The following FRMPD2 variants were observed in gnomAD, a reference collection of about 807,000 sequenced individuals.
FRMPD2 encodes FERM and PDZ domain-containing protein 2.
Under a neutral mutation model 140.1 loss-of-function variants are expected in FRMPD2, and 96 were observed. That is an observed-to-expected ratio of 0.69 (90% CI 0.58 to 0.81). FRMPD2 has a LOEUF of 0.81. Among genes scored for constraint, FRMPD2 ranks in the 40% least tolerant of loss-of-function variants. The pLI, the probability that FRMPD2 is intolerant of heterozygous loss-of-function variation, is 0.00. For synonymous variants in FRMPD2, 449 were observed against 547.6 expected (o/e 0.82, Z 2.52); for missense variants, 1,240 against 1,447.4 (o/e 0.86, Z 2.32).
chr10:48,210,049 G>A (rs971660181), intron 13 of FRMPD2, among the ~76,000 whole-genome samples: 5 of 152,068 alleles, frequency 3.3e-5, no homozygotes, highest in Non-Finnish European at 7.4e-5. Flanking sequence ...AAAGAGAGAA[G>A]GATGAATATA....
chr10:48,221,978 T>TTGGATGGATGGATGGATGGA (rs71026203), intron 12 of FRMPD2, among the ~76,000 whole-genome samples: 7 of 136,396 alleles, frequency 5.1e-5, no homozygotes, highest in African/African-American at 1.4e-4. Flanking sequence ...GGATGGATGG[T>TTGGATGGATGGATGGATGGA]TGGATGGATG....
intron 15 of FRMPD2, 127 bp downstream of exon 15, chr10:48,201,099 TTC>T: frequency 1.7e-6 from 1 of 585,202 alleles, no homozygotes; most frequent in Non-Finnish European, 2.6e-6. Flanking sequence ...TTTATTGTAT[TTC>T]TGTCATTATT....
intron 1 of FRMPD2, among the ~76,000 whole-genome samples, chr10:48,261,396 G>C (rs1175269893): frequency 6.6e-6 from 1 of 151,876 alleles, no homozygotes; most frequent in Non-Finnish European, 1.5e-5. Flanking sequence ...GCAAAAAAAA[G>C]TGAGAGAGAG....
intron 20 of FRMPD2, among the ~76,000 whole-genome samples, chr10:48,181,894 A>ACACACACG (rs1297677475): frequency 1.6e-5 from 1 of 62,842 alleles, no homozygotes; most frequent in Non-Finnish European, 3.8e-5. Flanking sequence ...TCATACACAC[A>ACACACACG]CACACACACA....
Position 48,224,562 on chromosome 10 carries a change from C to T in FRMPD2, c.1169-1292G>A, listed in dbSNP as rs183893191. Reference sequence around the variant, plus strand: ...TTACTGCTGAATCTGATGCCCCACACGGGACTCACCCTTCCCTTAGGATGA... The same window carrying T: ...TTACTGCTGAATCTGATGCCCCACATGGGACTCACCCTTCCCTTAGGATGA... On this transcript the variant is annotated intron_variant, in intron 10 of 28. Coordinates refer to ENST00000374201, the MANE Select transcript of FRMPD2 (RefSeq NM_001018071.4). Among the ~76,000 whole-genome samples, 77 of 152,338 alleles carry T rather than the reference C, an allele frequency of 5.1e-4. 1 individual carries two copies. In the East Asian group the frequency reaches 0.012, roughly 24 times the overall value.
In FRMPD2 at chr10:48,251,621, T is replaced by A. The variant is rs767476729; in HGVS notation, c.96A>T (p.Glu32Asp). 5 of 1,614,164 alleles carry A rather than the reference T, an allele frequency of 3.1e-6. No homozygotes were observed. In the South Asian group the frequency reaches 5.5e-5, roughly 18 times the overall value. ...CGGCCAGGAACAGGAGGGACCAGAT[T>A]TCCTCCTCAGACAGAGCTTCACCCC... ...QVRGEALSEEEIWSLLFLAAE... is the reference protein window; with the variant it reads ...QVRGEALSEEDIWSLLFLAAE... The change falls in exon 2 of 29, where the codon GAA becomes GAT. Residue 32 changes from glutamate (E) to aspartate (D), a missense_variant. Transcript: ENST00000374201.
At position 48,244,798 on chromosome 10, in the gene FRMPD2, C is replaced by A; in HGVS notation, c.361G>T (p.Val121Phe). 3.7e-6 allele frequency: 6 copies of A among 1,613,428 alleles called. No individual in the cohort carries two copies. The highest frequency in any genetic ancestry group is 5.1e-6 in the Non-Finnish European group (6 of 1,179,354). Residue 121 changes from valine to phenylalanine, a missense_variant, in exon 4 of 29, where the codon GTT (valine) becomes TTT (phenylalanine). By Grantham distance (50) the Val-to-Phe change is conservative (BLOSUM62 -1). Transcript: ENST00000374201. ...TGTTTACAAACCTGATGTGGCGGAA[C>A]ATGAAACCCTGCTGACCAGTAGAGG... ...MTLYWSAGFH[V>F]PPHQPLQLCE...
chr10:48,245,147 C>T (rs1840214344), intron 3 of FRMPD2, among the ~76,000 whole-genome samples: 1 of 152,206 alleles, frequency 6.6e-6, no homozygotes, highest in Non-Finnish European at 1.5e-5. Context: ...ACTGGCCCCA[C>T]ACTTTCCCCT....
Position 48,191,369 on chromosome 10 carries a change from G to T in FRMPD2, c.2165+1315C>A, listed in dbSNP as rs74387830. Among the ~76,000 whole-genome samples the T allele has an allele frequency of 5.0e-3, 755 of 152,250 alleles. 4 individuals carry two copies. Among genetic ancestry groups the T allele is most frequent in the African/African-American group, 0.017 (707 of 41,542 alleles). ...CAGAAGAATCCCTCAACTCAGTCCT[G>T]CCTGAATTTCTAACCCAGTTCACTG... On this transcript the variant is annotated intron_variant, in intron 16 of 28. Transcript: ENST00000374201.
chr10:48,210,493 C>G (rs1410606423), intron 13 of FRMPD2, among the ~76,000 whole-genome samples: 1 of 152,166 alleles, frequency 6.6e-6, no homozygotes, highest in Non-Finnish European at 1.5e-5. Context: ...TGGGCAGAGG[C>G]CAGAAGGTAG....
intron 15 of FRMPD2, 69 bp from the exon 16 acceptor site, chr10:48,192,963 G>A (rs1280799277): frequency 1.7e-6 from 2 of 1,195,418 alleles, no homozygotes; most frequent in East Asian, 2.3e-5. Context: ...TGCTCTGGTG[G>A]TTGTAACATA....
chr10:48,256,433 G>A (rs1840491868), intron 1 of FRMPD2, among the ~76,000 whole-genome samples: 1 of 152,148 alleles, frequency 6.6e-6, no homozygotes, highest in Admixed American at 6.5e-5. Context: ...CTATATAGTG[G>A]CTTTTGAACT....
intron 1 of FRMPD2, among the ~76,000 whole-genome samples, chr10:48,253,433 AC>A (rs1292582979): frequency 6.6e-6 from 1 of 152,192 alleles, no homozygotes; most frequent in African/African-American, 2.4e-5. Flanking sequence ...CTCATCAAAA[AC>A]CATGGAGACC....
rs1181952053 is a variant in FRMPD2 at position 48,178,084 on chromosome 10, A to T, written c.2858T>A (p.Leu953Gln). The change falls in exon 22 of 29, where the codon CTG becomes CAG. Residue 953 changes from leucine (L) to glutamine (Q), a missense_variant. Physicochemically the swap from Leu to Gln is moderately radical, Grantham distance 113. Coordinates refer to ENST00000374201, the MANE Select transcript of FRMPD2 (RefSeq NM_001018071.4). ...TCCAAGTGTCCCATCTTCTTTAACC[A>T]GTTCCACAAAGTAGATTTCACCAGC... ...ISAGEIYFVE[L>Q]VKEDGTLGFS... 1.2e-6 allele frequency: 2 copies of T among 1,603,270 alleles called. No individual in the cohort carries two copies. The highest frequency in any genetic ancestry group is 8.5e-7 in the Non-Finnish European group (1 of 1,172,084).
chr10:48,230,436 T>C (rs1174733901), intron 10 of FRMPD2, among the ~76,000 whole-genome samples: 3 of 152,234 alleles, frequency 2.0e-5, no homozygotes, highest in Non-Finnish European at 2.9e-5. Flanking sequence ...TTTGGCCTCC[T>C]AGCCTTGAGA....
intron 1 of FRMPD2, among the ~76,000 whole-genome samples, chr10:48,254,803 T>C (rs185233560): frequency 4.3e-4 from 65 of 152,352 alleles, no homozygotes; most frequent in Non-Finnish European, 7.5e-4. Flanking sequence ...GGGTTTACGC[T>C]CTTGGTCTCA....
Position 48,232,232 on chromosome 10 carries a change from C to T in FRMPD2, c.1051G>A (p.Gly351Arg), listed in dbSNP as rs116143480. The change falls in exon 10 of 29, where the codon GGG becomes AGG. Residue 351 changes from glycine (G) to arginine (R), a missense_variant. Gly to Arg is a moderately radical substitution (Grantham distance 125). This residue lies in a region of FRMPD2 where 1,161 missense variants were observed against 1,055.9 expected (regional missense o/e 1.10). Transcript: ENST00000374201. ...LRDLCVVLLN[G>R]QHLEVKCDVE... The stretch of plus-strand genomic sequence containing the variant: ...TCACATTTTACCTCCAGGTGCTGCC[C>T]GTTCAGCAGGACCACACAGAGGTCC... 5.5e-3 allele frequency: 8,797 copies of T among 1,614,120 alleles called. 25 individuals are homozygous for T. The highest frequency in any genetic ancestry group is 5.6e-3 in the Non-Finnish European group (6,623 of 1,179,982).
Position 48,208,044 on chromosome 10 carries a change from GTCATCATCATCATTATCA to G in FRMPD2, c.1612-1129_1612-1112del, listed in dbSNP as rs537092921. 2.6e-3 allele frequency among the ~76,000 whole-genome samples: 401 copies of G among 151,410 alleles called. 1 individual carries two copies. The highest frequency in any genetic ancestry group is 4.9e-3 in the Non-Finnish European group (330 of 67,980). On this transcript the variant is annotated intron_variant, in intron 13 of 28. Coordinates refer to ENST00000374201, the MANE Select transcript of FRMPD2 (RefSeq NM_001018071.4). ...ACTTTGGAGAGACCCTGTCATCATC[GTCATCATCATCATTATCA>G]TCATCATCATCATCAATATCCTTAT... is the stretch of plus-strand genomic sequence containing the variant.
rs201886245 is a variant in FRMPD2 at position 48,212,033 on chromosome 10, C to G, written c.1532G>C (p.Arg511Pro). 1.2e-6 allele frequency: 2 copies of G among 1,614,056 alleles called. No homozygotes were observed. Among genetic ancestry groups the G allele is most frequent in the Admixed American group, 1.7e-5 (1 of 60,014 alleles). The change falls in exon 13 of 29, where the codon CGG becomes CCG. Residue 511 changes from arginine (R) to proline (P), a missense_variant. Coordinates refer to ENST00000374201, the MANE Select transcript of FRMPD2 (RefSeq NM_001018071.4). ...ASLIERMTAL[R>P]VQVEVSEMHR... Reference sequence around the variant, plus strand: ...CATCTCTGAGACTTCAACCTGGACCCGTAGAGCGGTCATCCTCTCGATCAG... The same window carrying G: ...CATCTCTGAGACTTCAACCTGGACCGGTAGAGCGGTCATCCTCTCGATCAG...
Sources: allele counts gnomAD v4.1 joint callset (sites outside exome capture counted in the v4.1 genomes callset), GRCh38; gene constraint gnomAD v4.1.1; regional missense constraint gnomAD v4.1.1; transcripts MANE v1.5; gene names NCBI Gene and HGNC (gene_info 2026-07-23, HGNC 2026-07-21).